The following MRTO4 variants were observed in gnomAD, a reference collection of about 807,000 sequenced individuals.
MRTO4 encodes mRNA turnover protein 4 homolog.
In MRTO4, 7 loss-of-function variants were observed where a neutral mutation model predicts 28.6. The observed-to-expected ratio is 0.24, with a 90% CI of 0.14 to 0.46. The LOEUF (loss-of-function observed/expected upper bound fraction) is 0.46, where lower values mean the gene tolerates loss of function less well. Ranked by LOEUF, MRTO4 falls within the 20% of genes least tolerant of loss-of-function variation. The pLI, the probability that MRTO4 is intolerant of heterozygous loss-of-function variation, is 0.99. For synonymous variants in MRTO4, 113 were observed against 108.2 expected (o/e 1.04, Z -0.27); for missense variants, 302 against 298.3 (o/e 1.01, Z -0.09).
At chr1:19,256,286 CA>C (rs1397684049) in intron 3 of MRTO4, among the ~76,000 whole-genome samples, 20 of 152,166 alleles carry the variant, frequency 1.3e-4, no homozygotes, top group African/African-American at 4.8e-4. Context: ...GAGGCTGAGG[CA>C]GGGGGATCAC....
intron 1 of MRTO4, 30 bp downstream of exon 1, chr1:19,251,893 G>A: frequency 6.3e-7 from 1 of 1,585,152 alleles, no homozygotes; most frequent in Non-Finnish European, 8.6e-7. Context: ...GGACCCTGGG[G>A]GGAGCTCCGT....
intron 6 of MRTO4, 78 bp downstream of exon 6, chr1:19,258,062 T>G (rs749103347): frequency 4.1e-5 from 62 of 1,519,028 alleles, no homozygotes; most frequent in Non-Finnish European, 5.5e-5. Context: ...CCTTTCTAGC[T>G]GAGCAAGTTA....
rs1337023388 is a variant in MRTO4, at chr1:19,255,954, A to G, written c.94A>G (p.Lys32Glu). 1.9e-6 allele frequency: 3 copies of G among 1,613,844 alleles called. No homozygotes were observed. Among genetic ancestry groups the G allele is most frequent in the African/African-American group, 1.3e-5 (1 of 74,874 alleles). ...LKQNLIEELR[K>E]CVDTYKYLFI... ...CTCGTGAATTGTCCCACAGCTTCGGAAATGTGTGGACACCTACAAGTACCT... is the reference window on the plus strand; with the variant it reads ...CTCGTGAATTGTCCCACAGCTTCGGGAATGTGTGGACACCTACAAGTACCT... Residue 32 changes from lysine (K) to glutamate (E), a missense_variant, in exon 3 of 8, where the codon AAA becomes GAA. Physicochemically the swap from Lys to Glu is moderately conservative, Grantham distance 56 (BLOSUM62 1). Transcript: ENST00000330263.
chr1:19,257,609 G>C, intron 5 of MRTO4, 88 bp downstream of exon 5: 7 of 1,533,718 alleles, frequency 4.6e-6, no homozygotes, highest in Non-Finnish European at 4.5e-6. Flanking sequence ...TCCATATGTG[G>C]CATCAAGTTG....
intron 3 of MRTO4, 136 bp from the exon 4 acceptor site, chr1:19,256,928 G>T (rs369575828): frequency 2.6e-6 from 2 of 771,006 alleles, no homozygotes; most frequent in East Asian, 2.5e-5. Context: ...GTGTGGCCAG[G>T]CAGCATGGAG....
At chr1:19,253,382 G>C (rs1177972068) in intron 1 of MRTO4, among the ~76,000 whole-genome samples, 2 of 152,224 alleles carry the variant, frequency 1.3e-5, no homozygotes, top group African/African-American at 4.8e-5. Flanking sequence ...TGGAGCAGAA[G>C]GAGCCAAATA....
At chr1:19,258,077 T>C (rs1211204823) in intron 6 of MRTO4, 93 bp downstream of exon 6, 20 of 1,458,478 alleles carry the variant, frequency 1.4e-5, no homozygotes, top group Non-Finnish European at 1.7e-5. Context: ...AAGTTATTTC[T>C]ACAAGCTTCC....
Position 19,259,089 on chromosome 1 carries a change from C to CGTCTCT in MRTO4, c.*260_*265dup, listed in dbSNP as rs2093676261. 3.1e-6 allele frequency: 1 copy of CGTCTCT among 321,926 alleles called. No individual in the cohort carries two copies. The highest frequency in any genetic ancestry group is 5.7e-6 in the Non-Finnish European group (1 of 174,912). The allele number at this position is 321,926 out of a possible 1,614,324, so 19.9% of individuals were successfully genotyped here. A position where few individuals can be genotyped will look rare whatever the true frequency, so the allele number is the denominator to read the frequency against. ...CATCCTGGCTAACACGGTGAAACCC[C>CGTCTCT]GTCTCTACTAAAAATAGAAAAAAAA... On this transcript the variant is annotated 3_prime_UTR_variant, in exon 8 of 8. Transcript: ENST00000330263.
Position 19,257,498 on chromosome 1 carries a change from C to A in MRTO4, c.318C>A (p.Asn106Lys), listed in dbSNP as rs1395270865. ...LRGEVGLLFT[N>K]RTKEEVNEWF... is the part of the protein sequence containing the mutation. ...GTGAGGTGGGTCTCCTGTTCACCAA[C>A]CGCACAAAGGAGGAGGTGAATGAGT... The change falls in exon 5 of 8, where the codon AAC becomes AAA. Residue 106 changes from asparagine (N) to lysine (K), a missense_variant. By Grantham distance (94) the Asn-to-Lys change is moderately conservative (BLOSUM62 0). Coordinates refer to ENST00000330263, the MANE Select transcript of MRTO4 (RefSeq NM_016183.4). 2 of 1,614,228 alleles carry A rather than the reference C, an allele frequency of 1.2e-6. No individual in the cohort carries two copies. Among genetic ancestry groups the A allele is most frequent in the Middle Eastern group, 1.6e-4 (1 of 6,062 alleles).
chr1:19,251,894 G>T, intron 1 of MRTO4, 31 bp downstream of exon 1: 1 of 1,583,128 alleles, frequency 6.3e-7, no homozygotes, highest in East Asian at 2.3e-5. Flanking sequence ...GACCCTGGGG[G>T]GAGCTCCGTG....
Position 19,258,828 on chromosome 1 carries a change from T to G in MRTO4, c.718T>G (p.Ter240GlyextTer42), listed in dbSNP as rs2093675751. The G allele has an allele frequency of 1.2e-6, 2 of 1,613,738 alleles. No homozygotes were observed. The highest frequency in any genetic ancestry group is 4.5e-5 in the East Asian group (2 of 44,880). Reference protein sequence around the residue: ...TEESDSEDDD* With the variant: ...TEESDSEDDDG Reference sequence around the variant, plus strand: ...AGAGTCAGACTCAGAAGATGATGACTGAAAGGGACTCGGGACTGAAGGTCT... The same window carrying G: ...AGAGTCAGACTCAGAAGATGATGACGGAAAGGGACTCGGGACTGAAGGTCT... The change falls in exon 8 of 8, where the codon TGA becomes GGA. Residue 240 changes from the stop codon to glycine, a stop_lost. Coordinates refer to ENST00000330263, the MANE Select transcript of MRTO4 (RefSeq NM_016183.4).
At chr1:19,253,149 T>C (rs1318092728) in intron 1 of MRTO4, among the ~76,000 whole-genome samples, 5 of 151,966 alleles carry the variant, frequency 3.3e-5, no homozygotes, top group African/African-American at 1.2e-4. Context: ...AGATTGAAAA[T>C]GGGGTGAAGA....
intron 3 of MRTO4, 75 bp from the exon 4 acceptor site, chr1:19,256,989 C>A: frequency 6.9e-7 from 1 of 1,444,912 alleles, no homozygotes; most frequent in Non-Finnish European, 9.6e-7. Flanking sequence ...GGGACCGGAG[C>A]TACTTTGCAT....
rs759235950 is a variant in MRTO4 at position 19,257,924 on chromosome 1, T to G, written c.433T>G (p.Phe145Val). Residue 145 changes from phenylalanine to valine, a missense_variant, in exon 6 of 8, where the codon TTC becomes GTC. By Grantham distance (50) the Phe-to-Val change is conservative. Transcript: ENST00000330263. ...CCTGGATCCAGGGCCCCTGGAGCAG[T>G]TCCCCCACTCCATGGAGCCACAGCT... ...VSLDPGPLEQ[F>V]PHSMEPQLRQ... is the part of the protein sequence containing the mutation. 9.3e-6 allele frequency: 15 copies of G among 1,613,924 alleles called. No individual in the cohort carries two copies. The highest frequency in any genetic ancestry group is 1.3e-5 in the Non-Finnish European group (15 of 1,180,014).
chr1:19,252,151 T>C (rs1487313126), intron 1 of MRTO4: 1 of 471,610 alleles, frequency 2.1e-6, no homozygotes, highest in Admixed American at 3.9e-5. Flanking sequence ...CCCCCGGCTA[T>C]GCCTGCTGCC....
Position 19,257,082 on chromosome 1 carries a change from C to G in MRTO4, c.210C>G (p.Asn70Lys). 1 of 1,614,088 alleles carries G rather than the reference C, an allele frequency of 6.2e-7. No homozygotes were observed. Among genetic ancestry groups the G allele is most frequent in the East Asian group, 2.2e-5 (1 of 44,876 alleles). Reference protein sequence around the residue: ...WKHSRMFFGKNKVMMVALGRS... With the variant: ...WKHSRMFFGKKKVMMVALGRS... ...TTGGTAGGATGTTCTTTGGCAAAAACAAGGTGATGATGGTGGCCTTGGGTC... is the reference window on the plus strand; with the variant it reads ...TTGGTAGGATGTTCTTTGGCAAAAAGAAGGTGATGATGGTGGCCTTGGGTC... The change falls in exon 4 of 8, where the codon AAC becomes AAG. Residue 70 changes from asparagine to lysine, a missense_variant. Coordinates refer to ENST00000330263, the MANE Select transcript of MRTO4 (RefSeq NM_016183.4).
At chr1:19,258,069 G>A (rs1017829141) in intron 6 of MRTO4, 85 bp downstream of exon 6, 2 of 1,494,766 alleles carry the variant, frequency 1.3e-6, no homozygotes, top group Admixed American at 4.8e-5. Flanking sequence ...AGCTGAGCAA[G>A]TTATTTCTAC....
At chr1:19,253,334 G>C (rs1454158156) in intron 1 of MRTO4, among the ~76,000 whole-genome samples, 1 of 152,224 alleles carries the variant, frequency 6.6e-6, no homozygotes, top group Non-Finnish European at 1.5e-5. Context: ...TGAAATGGGA[G>C]CAGATATGAC....
At chr1:19,257,182 A>T (rs1410803980) in intron 4 of MRTO4, 37 bp downstream of exon 4, 3 of 1,600,196 alleles carry the variant, frequency 1.9e-6, no homozygotes, top group Non-Finnish European at 2.6e-6. Context: ...AGCTAAGGCA[A>T]AGCCGCCCTC....
Sources: allele counts gnomAD v4.1 joint callset (sites outside exome capture counted in the v4.1 genomes callset), GRCh38; gene constraint gnomAD v4.1.1; transcripts MANE v1.5; gene names NCBI Gene and HGNC (gene_info 2026-07-23, HGNC 2026-07-21).